The following SYT14 variants were observed in gnomAD, a reference collection of about 807,000 sequenced individuals.
The protein encoded by SYT14 is synaptotagmin-14.
In SYT14, 32 loss-of-function variants were observed where a neutral mutation model predicts 74.2. The observed-to-expected ratio is 0.43, with a 90% CI of 0.33 to 0.58. SYT14 has a LOEUF of 0.58. Among genes scored for constraint, SYT14 ranks in the 20% least tolerant of loss-of-function variants. SYT14 has a pLI of 0.05. For missense variants in SYT14, 791 were observed against 981.8 expected (o/e 0.81, Z 2.60); for synonymous variants, 298 against 337.7 (o/e 0.88, Z 1.29).
exon 10 of SYT14, chr1:210,163,034 T>C (rs1270066420): frequency 6.6e-6 from 3 of 453,550 alleles, no homozygotes; most frequent in Admixed American, 2.4e-5. Flanking sequence ...GAAGAGGGGA[T>C]GTAGATTTTA....
chr1:210,163,778 C>A (rs758147296), exon 10 of SYT14: 6 of 453,672 alleles, frequency 1.3e-5, no homozygotes, highest in South Asian at 9.3e-5. Context: ...TCTACTGAAT[C>A]TAATGTACGA....
intron 7 of SYT14, among the ~76,000 whole-genome samples, chr1:210,118,728 C>T (rs1441647044): frequency 6.6e-6 from 1 of 152,012 alleles, no homozygotes; most frequent in Non-Finnish European, 1.5e-5. Context: ...ATCCATCTGC[C>T]TCTGCTGATT....
In SYT14 at chr1:210,107,024, G is replaced by A. The variant is rs148159848; in HGVS notation, c.2034+6563G>A. Among the ~76,000 whole-genome samples the A allele has an allele frequency of 3.1e-3, 467 of 152,306 alleles. 10 individuals carry two copies. Among genetic ancestry groups the A allele is most frequent in the Admixed American group, 0.026 (405 of 15,296 alleles). ...CACCTGTTCCAAGTGGGAGAAATTGGCCAAAACAAAGGGGCTACGGGCCCC... is the reference window on the plus strand; with the variant it reads ...CACCTGTTCCAAGTGGGAGAAATTGACCAAAACAAAGGGGCTACGGGCCCC... On this transcript the variant is annotated intron_variant, in intron 7 of 9. Transcript: ENST00000637265.
intron 8 of SYT14, among the ~76,000 whole-genome samples, chr1:210,157,510 G>T (rs558384184): frequency 6.6e-6 from 1 of 151,566 alleles, no homozygotes; most frequent in Admixed American, 6.6e-5. Context: ...TTAGGAGGCC[G>T]AGGCGGGTGG....
At chr1:209,967,716 G>A (rs1370419503) in intron 2 of SYT14, among the ~76,000 whole-genome samples, 1 of 151,764 alleles carries the variant, frequency 6.6e-6, no homozygotes. Context: ...GATCATTATA[G>A]GTAAAGGTTT....
chr1:210,130,516 T>G (rs760547535), intron 7 of SYT14, among the ~76,000 whole-genome samples: 71 of 152,214 alleles, frequency 4.7e-4, no homozygotes, highest in Non-Finnish European at 8.4e-4. Flanking sequence ...CATCATTTCC[T>G]GGGCTTCACT....
exon 10 of SYT14, chr1:210,162,789 G>C (rs959541448): frequency 2.0e-5 from 9 of 447,310 alleles, no homozygotes; most frequent in Admixed American, 9.7e-5. Flanking sequence ...AAAAATGGCA[G>C]CTCTATGCAT....
intron 7 of SYT14, among the ~76,000 whole-genome samples, chr1:210,153,632 G>A (rs111935950): frequency 6.6e-6 from 1 of 152,070 alleles, no homozygotes; most frequent in African/African-American, 2.4e-5. Flanking sequence ...TACAACTGCA[G>A]TTCATCTGTA....
intron 5 of SYT14, among the ~76,000 whole-genome samples, chr1:210,023,263 A>G (rs961026939): frequency 3.3e-5 from 5 of 152,178 alleles, no homozygotes; most frequent in Non-Finnish European, 7.3e-5. Flanking sequence ...GGAGGAGGAA[A>G]ATCAGTGAGT....
chr1:210,033,372 AG>A (rs2080584193), intron 5 of SYT14, among the ~76,000 whole-genome samples: 1 of 151,770 alleles, frequency 6.6e-6, no homozygotes, highest in African/African-American at 2.4e-5. Context: ...AATGGAATTG[AG>A]GTTCTATTTA....
chr1:210,159,236 T>A (rs1358417659), intron 8 of SYT14, among the ~76,000 whole-genome samples, 185 bp from the exon 8 acceptor site: 1 of 152,152 alleles, frequency 6.6e-6, no homozygotes, highest in Non-Finnish European at 1.5e-5. Context: ...AAAATTCTCA[T>A]CCCATTAAAT....
At position 210,081,424 on chromosome 1, in the gene SYT14, G is replaced by A. The variant is rs79139765; in HGVS notation, c.1313-12898G>A. ...AATTTTGCAATAAAGCAAGTAACAC[G>A]ATATTTTTGGTTTCCTAGTACATAT... On this transcript the variant is annotated intron_variant, in intron 5 of 9. Coordinates refer to ENST00000637265, the Ensembl canonical transcript of SYT14. 9.4e-3 allele frequency among the ~76,000 whole-genome samples: 1,426 copies of A among 152,256 alleles called. 19 individuals carry two copies. The highest frequency in any genetic ancestry group is 0.054 in the Middle Eastern group (16 of 294).
intron 2 of SYT14, among the ~76,000 whole-genome samples, chr1:209,989,419 A>G (rs2079626712): frequency 6.6e-6 from 1 of 152,206 alleles, no homozygotes; most frequent in African/African-American, 2.4e-5. Context: ...AATAAAAAGT[A>G]AAAACAAAAT....
At chr1:209,998,549 A>G (rs1309247266) in intron 2 of SYT14, among the ~76,000 whole-genome samples, 1 of 152,130 alleles carries the variant, frequency 6.6e-6, no homozygotes, top group African/African-American at 2.4e-5. Flanking sequence ...CTGACTTCAA[A>G]ATACAAGGCT....
exon 8 of SYT14, chr1:210,155,779 G>A: frequency 6.2e-7 from 1 of 1,614,020 alleles, no homozygotes; most frequent in South Asian, 1.1e-5. Flanking sequence ...ACATCCTCAT[G>A]TCAGTCTCTT....
intron 2 of SYT14, among the ~76,000 whole-genome samples, chr1:209,962,328 T>A (rs1262850916): frequency 2.6e-5 from 4 of 151,930 alleles, no homozygotes; most frequent in Non-Finnish European, 1.5e-5. Flanking sequence ...TATTCTTGAA[T>A]TGAGGGGACC....
At chr1:210,139,104 T>G (rs925115199) in intron 7 of SYT14, among the ~76,000 whole-genome samples, 1 of 129,250 alleles carries the variant, frequency 7.7e-6, no homozygotes, top group Non-Finnish European at 1.6e-5. Context: ...TTTTTTTTTT[T>G]GAGACAGAGT....
At chr1:210,002,532 A>AT (rs1006272555) in intron 2 of SYT14, among the ~76,000 whole-genome samples, 13 of 150,930 alleles carry the variant, frequency 8.6e-5, no homozygotes, top group Middle Eastern at 3.4e-3. Flanking sequence ...TATACCCATG[A>AT]TTTTTTTTTC....
At chr1:210,147,093 A>C (rs1162886679) in intron 7 of SYT14, among the ~76,000 whole-genome samples, 3 of 152,100 alleles carry the variant, frequency 2.0e-5, no homozygotes, top group Non-Finnish European at 4.4e-5. Context: ...CTCTAGAACT[A>C]ATAGGGCTCT....
Sources: gnomAD v4.1 joint callset for allele counts (sites outside exome capture counted in the v4.1 genomes callset) on GRCh38, gnomAD v4.1.1 for gene constraint, MANE v1.5 for transcripts, NCBI Gene and HGNC (gene_info 2026-07-23, HGNC 2026-07-21) for gene names.